The following SLMAP variants were observed in gnomAD, a reference collection of about 807,000 sequenced individuals.
The protein encoded by SLMAP is sarcolemmal membrane-associated protein.
SLMAP carries 44 observed loss-of-function variants against 128.8 expected under a neutral mutation model. The observed-to-expected ratio is 0.34, with a 90% CI of 0.27 to 0.44. The LOEUF is 0.44. Ranked by LOEUF, SLMAP falls within the 20% of genes least tolerant of loss-of-function variation. The pLI is 1.00. For missense variants in SLMAP, 787 were observed against 985.3 expected, an observed-to-expected ratio of 0.80 and a Z score of 2.69; for synonymous variants, 327 against 348.8, an observed-to-expected ratio of 0.94 and a Z score of 0.70.
In SLMAP at chr3:57,925,192, C is replaced by A. The variant is rs554719446; in HGVS notation, c.2446-653C>A. On this transcript the variant is annotated intron_variant, in intron 23 of 24. Coordinates refer to ENST00000671191, the MANE Select transcript of SLMAP (RefSeq NM_001377540.1). The stretch of plus-strand genomic sequence containing the variant: ...CTGGTCTCAAACTCCTGGCCTTAAG[C>A]AATCTGCCCACCTCAGCTTGCCAAA... Among the ~76,000 whole-genome samples, 7 of 150,822 alleles carry A rather than the reference C, an allele frequency of 4.6e-5. No homozygotes were observed. In the South Asian group the frequency reaches 1.5e-3, roughly 32 times the overall value.
chr3:57,916,081 G>A (rs113384133), intron 21 of SLMAP, among the ~76,000 whole-genome samples: 2 of 150,892 alleles, frequency 1.3e-5, no homozygotes, highest in East Asian at 2.0e-4. Flanking sequence ...ACTTGAACCC[G>A]GGAGGCAGAG....
At chr3:57,914,673 C>T (rs1024744747) in intron 21 of SLMAP, among the ~76,000 whole-genome samples, 4 of 151,930 alleles carry the variant, frequency 2.6e-5, no homozygotes, top group Non-Finnish European at 4.4e-5. Context: ...ACCTCCACCC[C>T]CTGGGGTCAA....
chr3:57,880,667 C>G (rs1418414619), intron 14 of SLMAP, among the ~76,000 whole-genome samples: 1 of 151,822 alleles, frequency 6.6e-6, no homozygotes, highest in Non-Finnish European at 1.5e-5. Context: ...CGCTTGAGTT[C>G]AGGAGTTCGA....
At chr3:57,888,976 C>T (rs1014423512) in intron 14 of SLMAP, among the ~76,000 whole-genome samples, 3 of 152,032 alleles carry the variant, frequency 2.0e-5, no homozygotes, top group African/African-American at 7.2e-5. Context: ...GCTCCGCCTC[C>T]TGGGTTCACA....
intron 2 of SLMAP, among the ~76,000 whole-genome samples, chr3:57,816,444 G>A (rs182055): frequency 0.16 from 24,023 of 152,114 alleles, 2,448 homozygotes; most frequent in East Asian, 0.43. Context: ...GCACCCAGCC[G>A]AATTTAAACC....
rs1352585607 is a variant in SLMAP, at chr3:57,861,998, A to G, written c.878A>G (p.Asn293Ser). The G allele has an allele frequency of 1.4e-5, 23 of 1,610,388 alleles. No individual in the cohort carries two copies. Among genetic ancestry groups the G allele is most frequent in the Non-Finnish European group, 1.9e-5 (22 of 1,176,786 alleles). Reference sequence around the variant, plus strand: ...GAATGTACCCATCTGAAAGAAATGAATGAAAGGACTCAGGAAGAATTAAGA... The same window carrying G: ...GAATGTACCCATCTGAAAGAAATGAGTGAAAGGACTCAGGAAGAATTAAGA... The part of the protein sequence containing the change: ...EDECTHLKEM[N>S]ERTQEELREL... Residue 293 changes from asparagine (N) to serine (S), a missense_variant, in exon 10 of 25, where the codon AAT (asparagine) becomes AGT (serine). Physicochemically the swap from Asn to Ser is conservative, Grantham distance 46. This residue lies in a region of SLMAP where 715 missense variants were observed against 843.6 expected (regional missense o/e 0.85). Transcript: ENST00000671191.
chr3:57,860,613 G>A (rs2153598974), intron 8 of SLMAP, 86 bp from the exon 9 acceptor site: 9 of 998,488 alleles, frequency 9.0e-6, no homozygotes, highest in South Asian at 2.0e-5. Context: ...ATAATTTAAA[G>A]TATATCATAA....
chr3:57,808,383 A>G (rs1459646228), intron 2 of SLMAP, among the ~76,000 whole-genome samples: 3 of 152,014 alleles, frequency 2.0e-5, no homozygotes, highest in Admixed American at 6.6e-5. Flanking sequence ...TAGCTTTCTG[A>G]TGTGGGCATT....
intron 13 of SLMAP, among the ~76,000 whole-genome samples, chr3:57,869,642 A>ATAT (rs2095428305): frequency 7.7e-6 from 1 of 129,360 alleles, no homozygotes; most frequent in South Asian, 2.3e-4. Context: ...ATATATATAT[A>ATAT]TATATATATA....
intron 2 of SLMAP, among the ~76,000 whole-genome samples, chr3:57,780,533 A>C: frequency 6.6e-6 from 1 of 152,196 alleles, no homozygotes; most frequent in Non-Finnish European, 1.5e-5. Context: ...AGGTGTTATT[A>C]ATCTTATATA....
intron 6 of SLMAP, among the ~76,000 whole-genome samples, chr3:57,857,147 GAAAAC>G (rs1223977720): frequency 6.6e-6 from 1 of 151,868 alleles, no homozygotes; most frequent in Non-Finnish European, 1.5e-5. Context: ...TGAATAAAAA[GAAAAC>G]AAAAAACAGG....
chr3:57,793,991 CAA>C (rs548430954), intron 2 of SLMAP, among the ~76,000 whole-genome samples: 170 of 151,822 alleles, frequency 1.1e-3, no homozygotes, highest in African/African-American at 4.0e-3. Flanking sequence ...CATTTTAGCT[CAA>C]GAGGTTAGGA....
At chr3:57,791,796 TTA>T (rs1263397544) in intron 2 of SLMAP, among the ~76,000 whole-genome samples, 6 of 152,152 alleles carry the variant, frequency 3.9e-5, no homozygotes, top group African/African-American at 1.4e-4. Context: ...TTACTAAACT[TTA>T]GAGTTGAAAC....
At chr3:57,813,095 C>CTTTTTT (rs200561601) in intron 2 of SLMAP, among the ~76,000 whole-genome samples, 2 of 120,878 alleles carry the variant, frequency 1.7e-5, no homozygotes, top group Admixed American at 8.3e-5. Flanking sequence ...CGTTTGGATG[C>CTTTTTT]TTTTTTTTTT....
intron 2 of SLMAP, among the ~76,000 whole-genome samples, chr3:57,805,577 T>G (rs1182996693): frequency 6.6e-6 from 1 of 152,188 alleles, no homozygotes; most frequent in Admixed American, 6.5e-5. Context: ...GCCTTATTAT[T>G]TATTTCAGTA....
At chr3:57,916,285 C>T (rs534487403) in intron 21 of SLMAP, among the ~76,000 whole-genome samples, 9 of 152,212 alleles carry the variant, frequency 5.9e-5, no homozygotes, top group African/African-American at 1.2e-4. Flanking sequence ...GTCTGTATTA[C>T]GTGGTATCTG....
intron 19 of SLMAP, 157 bp from the exon 20 acceptor site, chr3:57,912,224 T>A (rs1283451435): frequency 1.8e-6 from 1 of 547,944 alleles, no homozygotes; most frequent in Non-Finnish European, 3.2e-6. Context: ...CTCTTTGCTA[T>A]CTGTATTTTG....
chr3:57,884,181 G>A (rs1238455218), intron 14 of SLMAP, among the ~76,000 whole-genome samples: 1 of 151,952 alleles, frequency 6.6e-6, no homozygotes, highest in African/African-American at 2.4e-5. Context: ...TGCCTGCCTC[G>A]GTCTCCCAAT....
intron 14 of SLMAP, among the ~76,000 whole-genome samples, chr3:57,874,923 A>G (rs910291556): frequency 6.6e-6 from 1 of 152,192 alleles, no homozygotes; most frequent in Non-Finnish European, 1.5e-5. Context: ...TTCACTTAAA[A>G]TAGTATAAAA....
Sources: gnomAD v4.1 joint callset for allele counts (sites outside exome capture counted in the v4.1 genomes callset) on GRCh38, gnomAD v4.1.1 for gene constraint, gnomAD v4.1.1 regional missense constraint, MANE v1.5 for transcripts, NCBI Gene and HGNC (gene_info 2026-07-23, HGNC 2026-07-21) for gene names.